The following LGSN variants were observed in gnomAD, a reference collection of about 807,000 sequenced individuals.
LGSN encodes the protein lengsin, lens protein with glutamine synthetase domain.
Under a neutral mutation model 19.5 loss-of-function variants are expected in LGSN, and 21 were observed. The ratio of observed to expected loss-of-function variants is 1.07; its 90% CI spans 0.76 to 1.55. The LOEUF is 1.55. Ranked by LOEUF, LGSN falls within the 40% of genes most tolerant of loss-of-function variation. The pLI, the probability that LGSN is intolerant of heterozygous loss-of-function variation, is 0.00. For missense variants in LGSN, 673 were observed against 608.5 expected (o/e 1.11, Z -1.12); for synonymous variants, 257 against 215.6 (o/e 1.19, Z -1.68).
chr6:63,540,722 C>T, the LGSN span, among the ~76,000 whole-genome samples: 1 of 151,794 alleles, frequency 6.6e-6, no homozygotes, highest in Non-Finnish European at 1.5e-5. Flanking sequence ...GCACACAAAA[C>T]AGGATGCATA....
the LGSN span, among the ~76,000 whole-genome samples, chr6:63,419,119 C>T: frequency 6.6e-6 from 1 of 151,938 alleles, no homozygotes; most frequent in Non-Finnish European, 1.5e-5. Flanking sequence ...ATACATGAGA[C>T]AAAAAGAAAA....
At chr6:63,557,613 A>C in the LGSN span, among the ~76,000 whole-genome samples, 4 of 152,174 alleles carry the variant, frequency 2.6e-5, no homozygotes, top group Admixed American at 1.3e-4. Flanking sequence ...GGAAGTAGCA[A>C]GAGAAAATTC....
chr6:63,549,575 T>G, the LGSN span: 1 of 604,698 alleles, frequency 1.7e-6, no homozygotes, highest in Non-Finnish European at 2.9e-6. Context: ...AGTTTTTTTT[T>G]TTAAAGAAAA....
At chr6:63,540,946 T>A in the LGSN span, among the ~76,000 whole-genome samples, 1 of 148,052 alleles carries the variant, frequency 6.8e-6, no homozygotes, top group East Asian at 2.0e-4. Context: ...GAGGTTGCAG[T>A]GAGCCAAGAT....
the LGSN span, among the ~76,000 whole-genome samples, chr6:63,333,199 T>G: frequency 3.3e-5 from 5 of 152,010 alleles, no homozygotes; most frequent in Non-Finnish European, 5.9e-5. Context: ...TCCTGCTGGC[T>G]GGTAGAGCCA....
the LGSN span, among the ~76,000 whole-genome samples, chr6:63,504,230 T>G: frequency 7.2e-6 from 1 of 139,336 alleles, no homozygotes; most frequent in Non-Finnish European, 1.5e-5. Context: ...TCTTCCTCCC[T>G]GGTTCAAGCG....
chr6:63,425,695 T>C, the LGSN span, among the ~76,000 whole-genome samples: 2 of 151,934 alleles, frequency 1.3e-5, no homozygotes, highest in African/African-American at 4.8e-5. Flanking sequence ...TACTGGATCT[T>C]GGTGGGTGGC....
chr6:63,558,839 G>A, the LGSN span, among the ~76,000 whole-genome samples: 1 of 152,332 alleles, frequency 6.6e-6, no homozygotes, highest in East Asian at 1.9e-4. Flanking sequence ...GCCCCCATAA[G>A]AGAGTTTCAA....
chr6:63,551,365 C>T, the LGSN span, among the ~76,000 whole-genome samples: 4 of 152,128 alleles, frequency 2.6e-5, no homozygotes, highest in South Asian at 2.1e-4. Flanking sequence ...TGCACCCAGC[C>T]GCTGTGGGTA....
chr6:63,361,153 T>C, the LGSN span, among the ~76,000 whole-genome samples: 1 of 152,344 alleles, frequency 6.6e-6, no homozygotes, highest in South Asian at 2.1e-4. Context: ...TCAAGCTGCA[T>C]GCTGGGAGAA....
chr6:63,393,075 G>A, the LGSN span, among the ~76,000 whole-genome samples: 1 of 151,660 alleles, frequency 6.6e-6, no homozygotes, highest in African/African-American at 2.4e-5. Context: ...TTTTAGTAGA[G>A]ACGGGGTTTC....
intron 3 of LGSN, among the ~76,000 whole-genome samples, chr6:63,284,568 C>T (rs6454130): frequency 0.63 from 96,165 of 151,970 alleles, 31,062 homozygotes; most frequent in Admixed American, 0.72. Flanking sequence ...AAAAACTGAA[C>T]AGCAAACAGT....
chr6:63,276,292 T>C lies in LGSN; in HGVS notation c.*3729A>G, dbSNP rs1767105743. Reference sequence around the variant, plus strand: ...CAGATTAAAGTTTTTTGATCTTTCATTGCCTTCAAATAATCATTTCAAGCG... The same window carrying C: ...CAGATTAAAGTTTTTTGATCTTTCACTGCCTTCAAATAATCATTTCAAGCG... On this transcript the variant is annotated 3_prime_UTR_variant, in exon 4 of 4. Coordinates refer to ENST00000370657, the MANE Select transcript of LGSN (RefSeq NM_016571.3). 6.6e-6 allele frequency: 1 copy of C among 152,240 alleles called. No individual in the cohort carries two copies. The highest frequency in any genetic ancestry group is 1.5e-5 in the Non-Finnish European group (1 of 68,040). The allele number at this position is 152,240 out of a possible 1,614,324, so 9.4% of individuals were successfully genotyped here. A position where few individuals can be genotyped will look rare whatever the true frequency, so the allele number is the denominator to read the frequency against.
the LGSN span, among the ~76,000 whole-genome samples, chr6:63,531,248 A>G: frequency 6.6e-6 from 1 of 152,152 alleles, no homozygotes; most frequent in East Asian, 1.9e-4. Context: ...AACTAATCAC[A>G]GACTAAGAAG....
chr6:63,412,524 A>AGG, the LGSN span, among the ~76,000 whole-genome samples: 1 of 118,236 alleles, frequency 8.5e-6, no homozygotes, highest in Admixed American at 8.8e-5. Context: ...GAAAGAAAGA[A>AGG]AGAAGGAAAG....
the LGSN span, among the ~76,000 whole-genome samples, chr6:63,514,851 G>C: frequency 0.54 from 81,364 of 151,732 alleles, 23,615 homozygotes; most frequent in African/African-American, 0.77. Flanking sequence ...CAGGCACCAG[G>C]CACCACACCA....
At chr6:63,287,785 A>G (rs1767602857) in intron 2 of LGSN, among the ~76,000 whole-genome samples, 1 of 151,908 alleles carries the variant, frequency 6.6e-6, no homozygotes, top group South Asian at 2.1e-4. Context: ...TAGGCTATAA[A>G]GAAGACATCT....
chr6:63,508,722 G>A, the LGSN span, among the ~76,000 whole-genome samples: 1 of 151,948 alleles, frequency 6.6e-6, no homozygotes, highest in Non-Finnish European at 1.5e-5. Flanking sequence ...TTCGAGACCA[G>A]CCTGACCAAC....
intron 3 of LGSN, among the ~76,000 whole-genome samples, chr6:63,283,618 C>CT (rs34439463): frequency 0.15 from 20,382 of 139,400 alleles, 1,708 homozygotes; most frequent in Admixed American, 0.26. Flanking sequence ...ACAAATGAAT[C>CT]TTTTTTTTTT....
Sources: gnomAD v4.1 joint callset for allele counts (sites outside exome capture counted in the v4.1 genomes callset) on GRCh38, gnomAD v4.1.1 for gene constraint, MANE v1.5 for transcripts, NCBI Gene and HGNC (gene_info 2026-07-23, HGNC 2026-07-21) for gene names.